CERS3: variants seen among roughly 807,000 people sequenced by gnomAD.
CERS3 encodes the protein ceramide synthase 3.
In CERS3, 33 loss-of-function variants were observed where a neutral mutation model predicts 50.3. The ratio of observed to expected loss-of-function variants is 0.66; its 90% CI spans 0.50 to 0.88. CERS3 has a LOEUF of 0.88. Among genes scored for constraint, CERS3 ranks in the 40% least tolerant of loss-of-function variants. The probability of loss-of-function intolerance (pLI) is 0.00; values close to 1 mark genes in which losing one functional copy is unlikely to be tolerated. For missense variants in CERS3, 470 were observed against 460.3 expected, an observed-to-expected ratio of 1.02 and a Z score of -0.19; for synonymous variants, 176 against 155.2, an observed-to-expected ratio of 1.13 and a Z score of -0.99.
intron 1 of CERS3, among the ~76,000 whole-genome samples, chr15:100,543,384 A>C (rs2037248470): frequency 6.6e-6 from 1 of 152,156 alleles, no homozygotes; most frequent in Non-Finnish European, 1.5e-5. Flanking sequence ...TTCTCATTTC[A>C]GGTGATTTAA....
chr15:100,433,033 G>A (rs140675365), intron 11 of CERS3, among the ~76,000 whole-genome samples: 24 of 151,984 alleles, frequency 1.6e-4, no homozygotes, highest in Admixed American at 3.9e-4. Flanking sequence ...TCAGGAGATC[G>A]AGACCATCCT....
chr15:100,451,974 T>C (rs930756120), intron 11 of CERS3, among the ~76,000 whole-genome samples: 1 of 152,158 alleles, frequency 6.6e-6, no homozygotes, highest in African/African-American at 2.4e-5. Flanking sequence ...AGCACTCAGA[T>C]ATATAAAGCA....
chr15:100,481,560 T>A (rs1326254164), intron 5 of CERS3, among the ~76,000 whole-genome samples: 1 of 152,230 alleles, frequency 6.6e-6, no homozygotes, highest in Non-Finnish European at 1.5e-5. Flanking sequence ...TTCCCAAGCA[T>A]CTATTGATTT....
At chr15:100,457,023 T>C (rs1235433084) in intron 10 of CERS3, among the ~76,000 whole-genome samples, 1 of 152,142 alleles carries the variant, frequency 6.6e-6, no homozygotes, top group Non-Finnish European at 1.5e-5. Flanking sequence ...ACTATGAATT[T>C]AGAGTCTTTC....
At position 100,477,822 on chromosome 15, in the gene CERS3, T is replaced by C. The variant is rs190696926; in HGVS notation, c.516+1606A>G. Among the ~76,000 whole-genome samples, 17 of 152,284 alleles carry C rather than the reference T, an allele frequency of 1.1e-4. No homozygotes were observed. In the East Asian group the frequency reaches 2.1e-3, roughly 19 times the overall value. On this transcript the variant is annotated intron_variant, in intron 7 of 11. Transcript: ENST00000679737. ...CACTGTAATATTTTATTTGAAATCA[T>C]TGAAAAGGAATACCCTAGAATATGG...
At chr15:100,439,191 A>T (rs2033565997) in intron 11 of CERS3, among the ~76,000 whole-genome samples, 1 of 152,220 alleles carries the variant, frequency 6.6e-6, no homozygotes, top group Non-Finnish European at 1.5e-5. Flanking sequence ...GGCATTCAAG[A>T]GCAAAAGCAA....
chr15:100,412,159 T>C (rs2031541969), intron 11 of CERS3, among the ~76,000 whole-genome samples: 1 of 152,228 alleles, frequency 6.6e-6, no homozygotes, highest in Admixed American at 6.5e-5. Flanking sequence ...GTCTGTGCCT[T>C]TAGTGTCATA....
chr15:100,431,474 C>T (rs1242245013), intron 11 of CERS3, among the ~76,000 whole-genome samples: 1 of 151,970 alleles, frequency 6.6e-6, no homozygotes, highest in African/African-American at 2.4e-5. Context: ...TAGTGCAGAA[C>T]ATCAATGTAA....
chr15:100,480,099 A>C, intron 5 of CERS3, 53 bp from the exon 6 acceptor site: 1 of 1,363,406 alleles, frequency 7.3e-7, no homozygotes, highest in Non-Finnish European at 1.0e-6. Flanking sequence ...CTGAGATTTG[A>C]GGAGAAAATG....
chr15:100,432,604 C>T (rs2033189759), intron 11 of CERS3, among the ~76,000 whole-genome samples: 1 of 152,038 alleles, frequency 6.6e-6, no homozygotes, highest in African/African-American at 2.4e-5. Context: ...TGAGTCAGAC[C>T]ACATCTAGAA....
At chr15:100,404,234 T>A (rs1162629262) in intron 11 of CERS3, among the ~76,000 whole-genome samples, 1 of 152,216 alleles carries the variant, frequency 6.6e-6, no homozygotes, top group Admixed American at 6.5e-5. Context: ...TCTTGAACTG[T>A]GAGAGAATAC....
intron 11 of CERS3, chr15:100,425,965 C>G (rs1404469769): frequency 6.6e-6 from 1 of 152,170 alleles, no homozygotes; most frequent in African/African-American, 2.4e-5. Context: ...TAGCACCTCC[C>G]ACTTCGCTCT....
chr15:100,478,789 T>C (rs978075855), intron 7 of CERS3, among the ~76,000 whole-genome samples: 3 of 151,530 alleles, frequency 2.0e-5, no homozygotes, highest in African/African-American at 4.9e-5. Flanking sequence ...TTAAAAAAAA[T>C]AGCAAAGGTA....
chr15:100,419,481 T>C (rs1250365004), intron 11 of CERS3, among the ~76,000 whole-genome samples: 1 of 141,216 alleles, frequency 7.1e-6, no homozygotes, highest in African/African-American at 2.7e-5. Flanking sequence ...ACATTAATAA[T>C]GGGAGACTTT....
intron 1 of CERS3, among the ~76,000 whole-genome samples, chr15:100,524,598 T>C (rs1017246425): frequency 1.3e-5 from 2 of 152,232 alleles, no homozygotes; most frequent in African/African-American, 2.4e-5. Flanking sequence ...ACATTACAAA[T>C]GAAAATTGCT....
chr15:100,469,416 G>A lies in CERS3; in HGVS notation c.807C>T (p.Thr269=), dbSNP rs772962880. ...CAATGAGGCGGCTGATGAAAAATAT[G>A]GTGGAGAAGATGAAAAACAGGGTGT... is the stretch of plus-strand genomic sequence containing the variant. ...TCNTLFFIFS[T]IFFISRLIVF... The change falls in exon 10 of 12, where the codon ACC becomes ACT. Residue 269 remains threonine (T), a synonymous_variant. Transcript: ENST00000679737. 1 of 1,613,984 alleles carries A rather than the reference G, an allele frequency of 6.2e-7. No homozygotes were observed. The highest frequency in any genetic ancestry group is 1.7e-5 in the Admixed American group (1 of 60,024).
chr15:100,513,337 C>A (rs901266159), intron 2 of CERS3, among the ~76,000 whole-genome samples: 1 of 152,124 alleles, frequency 6.6e-6, no homozygotes, highest in Admixed American at 6.6e-5. Flanking sequence ...GAGTCCACCT[C>A]TGTCTGGAGG....
chr15:100,515,977 G>A (rs11637843), intron 2 of CERS3, among the ~76,000 whole-genome samples: 49,161 of 151,928 alleles, frequency 0.32, 8,124 homozygotes, highest in East Asian at 0.37. Flanking sequence ...TATTAGTGTC[G>A]GGCACAAGTG....
intron 11 of CERS3, among the ~76,000 whole-genome samples, chr15:100,434,150 G>A (rs938408558): frequency 2.0e-5 from 3 of 152,204 alleles, no homozygotes; most frequent in East Asian, 1.9e-4. Flanking sequence ...GACTGAAGAC[G>A]TCCTAGAAGT....
Sources: allele counts gnomAD v4.1 joint callset (sites outside exome capture counted in the v4.1 genomes callset), GRCh38; gene constraint gnomAD v4.1.1; transcripts MANE v1.5; gene names NCBI Gene and HGNC (gene_info 2026-07-23, HGNC 2026-07-21).